Variants in AKR1E2 observed in about 807,000 individuals in gnomAD.
AKR1E2 encodes 1,5-anhydro-D-fructose reductase.
Under a neutral mutation model 41.9 loss-of-function variants are expected in AKR1E2, and 43 were observed. The ratio of observed to expected loss-of-function variants is 1.03; its 90% CI spans 0.80 to 1.32. The LOEUF (loss-of-function observed/expected upper bound fraction) is 1.32, where lower values mean the gene tolerates loss of function less well. Among genes scored for constraint, AKR1E2 ranks in the 40% most tolerant of loss-of-function variants. The pLI is 0.00. For synonymous variants in AKR1E2, 121 were observed against 138.9 expected (o/e 0.87, Z 0.91); for missense variants, 423 against 396.5 (o/e 1.07, Z -0.57).
Position 4,847,540 on chromosome 10 carries a change from CCCTT to C in AKR1E2, c.*15_*18del. 6.2e-7 allele frequency: 1 copy of C among 1,613,428 alleles called. No homozygotes were observed. Among genetic ancestry groups the C allele is most frequent in the Non-Finnish European group, 8.5e-7 (1 of 1,179,660 alleles). On this transcript the variant is annotated 3_prime_UTR_variant, in exon 10 of 10. Coordinates refer to ENST00000298375, the MANE Select transcript of AKR1E2 (RefSeq NM_001040177.3). Reference sequence around the variant, plus strand: ...CCACATAGAATACTGAGGACGCTTCCCCTTCCTTGTTTCTGCTCAGCCCAGATGC... The same window carrying C: ...CCACATAGAATACTGAGGACGCTTCCCCTTGTTTCTGCTCAGCCCAGATGC...
At chr10:4,862,112 G>A in the AKR1E2 span, among the ~76,000 whole-genome samples, 25 of 152,190 alleles carry the variant, frequency 1.6e-4, no homozygotes, top group Non-Finnish European at 3.1e-4. Flanking sequence ...TTTGTATAAG[G>A]TGTAAGGAAG....
chr10:4,839,670 T>C lies in AKR1E2; in HGVS notation c.583-59T>C, dbSNP rs1000851491. 111 of 1,501,674 alleles carry C rather than the reference T, an allele frequency of 7.4e-5. No homozygotes were observed. In the South Asian group the frequency reaches 1.2e-3, roughly 16 times the overall value. The allele number at this position is 1,501,674 out of a possible 1,614,324, so 93.0% of individuals were successfully genotyped here. A position where few individuals can be genotyped will look rare whatever the true frequency, so the allele number is the denominator to read the frequency against. The stretch of plus-strand genomic sequence containing the variant: ...AGACTTTGACGCAGGTCTTCTCTTG[T>C]AGAGCTTTTCTTGAACACTAGTGGT... On this transcript the variant is annotated intron_variant, in intron 5 of 9. Coordinates refer to ENST00000298375, the MANE Select transcript of AKR1E2 (RefSeq NM_001040177.3).
chr10:4,830,655 T>G lies in AKR1E2; in HGVS notation c.40-20T>G, dbSNP rs932678833. 1.9e-6 allele frequency: 3 copies of G among 1,612,194 alleles called. No homozygotes were observed. The highest frequency in any genetic ancestry group is 1.7e-5 in the Admixed American group (1 of 59,976). On this transcript the variant is annotated intron_variant, in intron 1 of 9. Transcript: ENST00000298375. Reference sequence around the variant, plus strand: ...ATTCCTCTGACTGTGAGAAGACACTTTGTTTTGTTGGTTTTGCAGGCTTCT... The same window carrying G: ...ATTCCTCTGACTGTGAGAAGACACTGTGTTTTGTTGGTTTTGCAGGCTTCT...
At chr10:4,830,242 T>G (rs1274963647) in intron 1 of AKR1E2, among the ~76,000 whole-genome samples, 1 of 152,198 alleles carries the variant, frequency 6.6e-6, no homozygotes, top group Non-Finnish European at 1.5e-5. Context: ...ATACATTCAT[T>G]TAGGTTTTGT....
At chr10:4,866,086 A>G in the AKR1E2 span, among the ~76,000 whole-genome samples, 1 of 152,226 alleles carries the variant, frequency 6.6e-6, no homozygotes, top group Non-Finnish European at 1.5e-5. Flanking sequence ...AGAGAACAGC[A>G]TGTATATTGG....
intron 5 of AKR1E2, among the ~76,000 whole-genome samples, chr10:4,839,022 C>T (rs17133724): frequency 0.035 from 5,312 of 152,222 alleles, 151 homozygotes; most frequent in East Asian, 0.11. Context: ...TGAGAGCAAA[C>T]GCACTATTCA....
At chr10:4,828,087 T>A (rs576349511) in intron 1 of AKR1E2, among the ~76,000 whole-genome samples, 2 of 152,346 alleles carry the variant, frequency 1.3e-5, no homozygotes, top group East Asian at 3.9e-4. Flanking sequence ...CACAGACCTA[T>A]CCGTTATCTG....
Position 4,841,889 on chromosome 10 carries a change from G to C in AKR1E2, c.753+32G>C, listed in dbSNP as rs760455286. The C allele has an allele frequency of 2.7e-5, 44 of 1,602,080 alleles. No homozygotes were observed. In the Middle Eastern group the frequency reaches 5.0e-4, roughly 18 times the overall value. ...AGGGAGGGCTGTTCTGAGCCAGGTG[G>C]GGTTCTCTGACCGCTCTACATCCTT... On this transcript the variant is annotated intron_variant, in intron 7 of 9. Coordinates refer to ENST00000298375, the MANE Select transcript of AKR1E2 (RefSeq NM_001040177.3).
intron 5 of AKR1E2, among the ~76,000 whole-genome samples, chr10:4,838,923 G>A (rs1474982119): frequency 1.3e-5 from 2 of 152,206 alleles, no homozygotes; most frequent in Non-Finnish European, 2.9e-5. Context: ...TGGACACCAG[G>A]AACACAGGAT....
chr10:4,830,740 C>T lies in AKR1E2; in HGVS notation c.105C>T (p.Asp35=). Residue 35 remains aspartate (D), a synonymous_variant, in exon 2 of 10, where the codon GAC becomes GAT. Transcript: ENST00000298375. ...EAIDAGYRHF[D]CAYFYHNERE... The stretch of plus-strand genomic sequence containing the variant: ...TTGACGCAGGGTACCGGCACTTCGA[C>T]TGTGCTTACTTTTACCACAATGAGA... The T allele has an allele frequency of 6.2e-7, 1 of 1,614,094 alleles. No individual in the cohort carries two copies. Among genetic ancestry groups the T allele is most frequent in the Non-Finnish European group, 8.5e-7 (1 of 1,179,994 alleles).
At chr10:4,830,570 C>G in intron 1 of AKR1E2, 105 bp from the exon 2 acceptor site, 1 of 1,328,122 alleles carries the variant, frequency 7.5e-7, no homozygotes, top group Non-Finnish European at 1.0e-6. Flanking sequence ...AAATTAGTGA[C>G]TTAATTTTTT....
chr10:4,864,199 C>T, the AKR1E2 span, among the ~76,000 whole-genome samples: 1 of 152,020 alleles, frequency 6.6e-6, no homozygotes, highest in African/African-American at 2.4e-5. Flanking sequence ...GAAATTGACG[C>T]AAAAATCCTC....
the AKR1E2 span, among the ~76,000 whole-genome samples, chr10:4,860,851 T>G: frequency 6.6e-6 from 1 of 152,222 alleles, no homozygotes; most frequent in African/African-American, 2.4e-5. Flanking sequence ...CTTGGGATTC[T>G]ACATTCAGTT....
the AKR1E2 span, among the ~76,000 whole-genome samples, chr10:4,853,485 A>G: frequency 1.3e-4 from 20 of 151,320 alleles, no homozygotes; most frequent in Non-Finnish European, 2.7e-4. Context: ...ATCTGAAGAG[A>G]TTGATTCTAA....
At chr10:4,848,730 A>G (rs1834469625), downstream of AKR1E2, among the ~76,000 whole-genome samples, 1 of 152,066 alleles carries the variant, frequency 6.6e-6, no homozygotes, top group Non-Finnish European at 1.5e-5. Flanking sequence ...TCCCCTCCAC[A>G]TCACTTCCCA....
At chr10:4,838,398 A>ATTCTGT (rs1402515849) in intron 5 of AKR1E2, among the ~76,000 whole-genome samples, 1 of 152,210 alleles carries the variant, frequency 6.6e-6, no homozygotes, top group East Asian at 1.9e-4. Context: ...TTCTTGTGGT[A>ATTCTGT]TTCTGTTTTG....
chr10:4,833,505 A>T (rs1215631085), intron 3 of AKR1E2, 39 bp downstream of exon 3: 8 of 1,544,190 alleles, frequency 5.2e-6, no homozygotes, highest in Non-Finnish European at 7.2e-6. Context: ...AGTTTGCAGG[A>T]CCTTCCTCCC....
chr10:4,841,065 T>G (rs1833832613), intron 6 of AKR1E2, among the ~76,000 whole-genome samples: 1 of 152,206 alleles, frequency 6.6e-6, no homozygotes, highest in African/African-American at 2.4e-5. Context: ...TCTAGAAGGC[T>G]GGGTCCATTC....
At chr10:4,830,379 C>T (rs941417469) in intron 1 of AKR1E2, among the ~76,000 whole-genome samples, 4 of 152,122 alleles carry the variant, frequency 2.6e-5, no homozygotes, top group African/African-American at 7.2e-5. Flanking sequence ...ATTATTCATT[C>T]TGTACTTTTT....
Sources: allele counts gnomAD v4.1 joint callset (sites outside exome capture counted in the v4.1 genomes callset), GRCh38; gene constraint gnomAD v4.1.1; transcripts MANE v1.5; gene names NCBI Gene and HGNC (gene_info 2026-07-23, HGNC 2026-07-21).